DMD: variants seen among roughly 807,000 people sequenced by gnomAD.
The protein encoded by DMD is mutant dystrophin.
A neutral mutation model predicts 330.1 loss-of-function variants in DMD; 63 were observed. The observed-to-expected ratio is 0.19, with a 90% CI of 0.16 to 0.24. DMD has a LOEUF of 0.24. Ranked by LOEUF, DMD falls within the 10% of genes least tolerant of loss-of-function variation. The probability of loss-of-function intolerance (pLI) is 1.00; values close to 1 mark genes in which losing one functional copy is unlikely to be tolerated. For synonymous variants in DMD, 1,223 were observed against 959.8 expected (o/e 1.27, Z -5.07); for missense variants, 3,344 against 2,684.1 (o/e 1.25, Z -5.43).
At chrX:31,324,599 A>C (rs1295478100) in intron 61 of DMD, among the ~76,000 whole-genome samples, 1 of 111,619 alleles carries the variant, frequency 9.0e-6, no homozygotes, top group Non-Finnish European at 1.9e-5. Flanking sequence ...TAAGAAACAC[A>C]GAATATTATC....
At chrX:31,963,769 T>C (rs1603618299) in intron 45 of DMD, among the ~76,000 whole-genome samples, 1 of 96,391 alleles carries the variant, frequency 1.0e-5, no homozygotes, top group Non-Finnish European at 2.0e-5. Context: ...CATTTTGACA[T>C]AAATATAGAG....
At chrX:32,785,498 G>A (rs952243183) in intron 7 of DMD, among the ~76,000 whole-genome samples, 23 of 111,400 alleles carry the variant, frequency 2.1e-4, no homozygotes, top group Admixed American at 1.7e-3. Context: ...TAAGATTAAC[G>A]TGAAGAAGGC....
intron 55 of DMD, among the ~76,000 whole-genome samples, chrX:31,619,753 T>C (rs1481106809): frequency 2.7e-5 from 3 of 112,286 alleles, no homozygotes; most frequent in Non-Finnish European, 5.6e-5. Context: ...TTCTAGATAA[T>C]TGTTTAATGT....
intron 59 of DMD, among the ~76,000 whole-genome samples, chrX:31,469,560 T>C (rs1386524481): frequency 8.9e-6 from 1 of 112,053 alleles, no homozygotes; most frequent in Non-Finnish European, 1.9e-5. Flanking sequence ...TGATGGGCTT[T>C]CCTTTGGGGT....
chrX:31,483,771 A>C (rs1470484151), intron 57 of DMD, among the ~76,000 whole-genome samples: 1 of 112,376 alleles, frequency 8.9e-6, no homozygotes, highest in African/African-American at 3.2e-5. Flanking sequence ...AGAGAGAAAT[A>C]GTTGGTTCAA....
chrX:31,389,230 C>T (rs972334381), intron 60 of DMD, among the ~76,000 whole-genome samples: 1 of 112,152 alleles, frequency 8.9e-6, no homozygotes, highest in Admixed American at 9.5e-5. Flanking sequence ...TTTTATCCAA[C>T]GTCATCAAAT....
At chrX:33,336,252 C>CGT (rs35895322) in intron 1 of DMD, among the ~76,000 whole-genome samples, 201 of 97,951 alleles carry the variant, frequency 2.1e-3, no homozygotes, top group East Asian at 4.8e-3. Flanking sequence ...TTTTCCAAAG[C>CGT]GTGTGTGTGT....
chrX:32,351,949 T>G (rs771644870), intron 37 of DMD, among the ~76,000 whole-genome samples: 1 of 110,908 alleles, frequency 9.0e-6, no homozygotes, highest in Non-Finnish European at 1.9e-5. Flanking sequence ...TTTAGTTCAA[T>G]GTGTAGGGTC....
rs767300805 is a variant in DMD at position 31,721,685 on chromosome X, ACTCTCT to A, written c.7660+7940_7660+7945del. On this transcript the variant is annotated intron_variant, in intron 52 of 78. Coordinates refer to ENST00000357033, the MANE Select transcript of DMD (RefSeq NM_004006.3). ...TATTACCAATCTCTCTCTCTCTCTC[ACTCTCT>A]CTCTCTCTCTCTCTCTCTCTCTCTC... Among the ~76,000 whole-genome samples, 235 of 39,560 alleles carry A rather than the reference ACTCTCT, an allele frequency of 5.9e-3. 3 individuals carry two copies. Among genetic ancestry groups the A allele is most frequent in the Non-Finnish European group, 7.6e-3 (187 of 24,463 alleles). The allele number at this position is 39,560 out of a possible 115,157, so 34.4% of individuals were successfully genotyped here.
chrX:33,141,278 GA>G (rs2047784047), intron 1 of DMD, among the ~76,000 whole-genome samples: 1 of 111,214 alleles, frequency 9.0e-6, no homozygotes, highest in South Asian at 3.8e-4. Context: ...TTGCCAGCGT[GA>G]TTTCTTCAAA....
intron 2 of DMD, among the ~76,000 whole-genome samples, chrX:32,940,233 G>GT (rs1335745726): frequency 8.9e-6 from 1 of 111,763 alleles, no homozygotes; most frequent in Non-Finnish European, 1.9e-5. Context: ...CAGTAATACT[G>GT]TATTGTATAC....
At position 32,930,661 on chromosome X, in the gene DMD, GC is replaced by G. The variant is rs1233136679; in HGVS notation, c.94-80842del. ...ATACTATGAAATTACATTCCTTTAAGCTTTTGTACATGTTGGTCCCTCCCTC... is the reference window on the plus strand; with the variant it reads ...ATACTATGAAATTACATTCCTTTAAGTTTTGTACATGTTGGTCCCTCCCTC... On this transcript the variant is annotated intron_variant, in intron 2 of 78. Coordinates refer to ENST00000357033, the MANE Select transcript of DMD (RefSeq NM_004006.3). 1.5e-4 allele frequency among the ~76,000 whole-genome samples: 17 copies of G among 110,086 alleles called. No homozygotes were observed. In the Admixed American group the frequency reaches 1.7e-3, roughly 11 times the overall value.
At chrX:31,487,836 T>C (rs184291077) in intron 57 of DMD, among the ~76,000 whole-genome samples, 2 of 111,979 alleles carry the variant, frequency 1.8e-5, no homozygotes, top group East Asian at 2.8e-4. Context: ...ATAAATGAGA[T>C]TGAATAAATT....
At chrX:32,483,902 A>G (rs2042172633) in intron 21 of DMD, among the ~76,000 whole-genome samples, 1 of 108,262 alleles carries the variant, frequency 9.2e-6, no homozygotes, top group Non-Finnish European at 1.9e-5. Flanking sequence ...AAAAGCTGGG[A>G]AATGAGAAAA....
intron 44 of DMD, among the ~76,000 whole-genome samples, chrX:32,046,700 A>ATT (rs1376268931): frequency 1.8e-5 from 2 of 111,127 alleles, no homozygotes; most frequent in Non-Finnish European, 3.8e-5. Flanking sequence ...GGAAAGATAG[A>ATT]TTTAATGGCA....
At chrX:32,748,746 C>A (rs1603350535) in intron 7 of DMD, among the ~76,000 whole-genome samples, 1 of 112,001 alleles carries the variant, frequency 8.9e-6, no homozygotes, top group East Asian at 2.8e-4. Flanking sequence ...CAGAATTGCC[C>A]TCTCAAAGTA....
chrX:31,243,174 T>C (rs1251876890), intron 63 of DMD, among the ~76,000 whole-genome samples: 1 of 112,234 alleles, frequency 8.9e-6, no homozygotes, highest in African/African-American at 3.2e-5. Flanking sequence ...ATATCTATGG[T>C]ATACATGAGT....
intron 64 of DMD, among the ~76,000 whole-genome samples, chrX:31,218,235 T>C (rs867379228): frequency 7.3e-5 from 8 of 109,190 alleles, no homozygotes; most frequent in South Asian, 3.9e-4. Context: ...TTTTTTTTTT[T>C]CCATAGTATA....
At chrX:31,205,146 T>C (rs1041284131) in intron 66 of DMD, among the ~76,000 whole-genome samples, 11 of 111,706 alleles carry the variant, frequency 9.8e-5, no homozygotes, top group African/African-American at 3.6e-4. Context: ...ATGTTATGTT[T>C]TGTTCTCAGA....
Sources: gnomAD v4.1 joint callset for allele counts (sites outside exome capture counted in the v4.1 genomes callset) on GRCh38, gnomAD v4.1.1 for gene constraint, MANE v1.5 for transcripts, NCBI Gene and HGNC (gene_info 2026-07-23, HGNC 2026-07-21) for gene names.